The following CYP3A7 variants were observed in gnomAD, a reference collection of about 807,000 sequenced individuals.
CYP3A7 encodes the protein cytochrome P450 3A7.
A neutral mutation model predicts 55.2 loss-of-function variants in CYP3A7; 45 were observed. That is an observed-to-expected ratio of 0.82 (90% CI 0.64 to 1.05). The LOEUF (loss-of-function observed/expected upper bound fraction) is 1.05. CYP3A7 is among the 50% of genes least tolerant of loss of function. CYP3A7 has a pLI of 0.00. For missense variants in CYP3A7, 548 were observed against 605.3 expected, an observed-to-expected ratio of 0.91 and a Z score of 0.99; for synonymous variants, 180 against 207.4, an observed-to-expected ratio of 0.87 and a Z score of 1.13.
chr7:99,711,150 T>C (rs1813734711), intron 9 of CYP3A7, among the ~76,000 whole-genome samples: 1 of 152,184 alleles, frequency 6.6e-6, no homozygotes, highest in African/African-American at 2.4e-5. Context: ...CCCTGCCACC[T>C]TCACAGCTGG....
chr7:99,719,338 G>A (rs1321606771), intron 4 of CYP3A7, among the ~76,000 whole-genome samples: 1 of 152,186 alleles, frequency 6.6e-6, no homozygotes, highest in East Asian at 1.9e-4. Context: ...GCAAATGAAA[G>A]ATGCAAAGAA....
chr7:99,710,926 A>G (rs751495747), intron 9 of CYP3A7, 34 bp from the exon 10 acceptor site: 1 of 1,613,200 alleles, frequency 6.2e-7, no homozygotes, highest in South Asian at 1.1e-5. Context: ...TAGGTAAATC[A>G]GGTCAATGTA....
chr7:99,720,209 C>T, intron 4 of CYP3A7, 104 bp downstream of exon 4: 4 of 1,446,024 alleles, frequency 2.8e-6, no homozygotes, highest in Non-Finnish European at 3.8e-6. Context: ...TACATGGAAC[C>T]TTCCTGCACA....
intron 12 of CYP3A7, among the ~76,000 whole-genome samples, chr7:99,706,352 T>C (rs1813523098): frequency 6.6e-6 from 1 of 152,158 alleles, no homozygotes; most frequent in East Asian, 1.9e-4. Flanking sequence ...CCATCCTAGG[T>C]GTGCCAGAGG....
intron 4 of CYP3A7, among the ~76,000 whole-genome samples, chr7:99,719,131 T>C (rs1423883231): frequency 6.6e-6 from 1 of 152,238 alleles, no homozygotes; most frequent in Non-Finnish European, 1.5e-5. Flanking sequence ...CATGTTTATT[T>C]ATAGACACTG....
At chr7:99,725,159 G>A (rs1814360901) in intron 2 of CYP3A7, among the ~76,000 whole-genome samples, 1 of 152,118 alleles carries the variant, frequency 6.6e-6, no homozygotes, top group Non-Finnish European at 1.5e-5. Flanking sequence ...AACTACCCAA[G>A]GTAAAGATGA....
At chr7:99,710,642 T>C (rs2151504702) in intron 10 of CYP3A7, 90 bp downstream of exon 10, 1 of 1,600,938 alleles carries the variant, frequency 6.2e-7, no homozygotes, top group Non-Finnish European at 8.5e-7. Context: ...ATGATTATGC[T>C]TTTTATAAAA....
chr7:99,725,646 C>G (rs1814384165), intron 2 of CYP3A7, among the ~76,000 whole-genome samples: 1 of 152,238 alleles, frequency 6.6e-6, no homozygotes, highest in African/African-American at 2.4e-5. Context: ...GACTGTCTGA[C>G]TCACATCGCC....
intron 1 of CYP3A7, among the ~76,000 whole-genome samples, chr7:99,731,406 A>G (rs1410390392): frequency 6.6e-6 from 1 of 152,232 alleles, no homozygotes; most frequent in Non-Finnish European, 1.5e-5. Flanking sequence ...TCTGGGATGA[A>G]TATTTGATAA....
rs1437644820 is a variant in CYP3A7 at position 99,731,052 on chromosome 7, C to T, written c.165+7G>A. ...AGAAGCAAAAGAGGAAGCTCAAAAACACTCACCTTACGGAAGGACAAAGCA... is the reference window on the plus strand; with the variant it reads ...AGAAGCAAAAGAGGAAGCTCAAAAATACTCACCTTACGGAAGGACAAAGCA... On this transcript the variant is annotated splice_region_variant and intron_variant, in intron 2 of 12. Coordinates refer to ENST00000336374, the MANE Select transcript of CYP3A7 (RefSeq NM_000765.5). 2.5e-6 allele frequency: 4 copies of T among 1,613,738 alleles called. No homozygotes were observed. The highest frequency in any genetic ancestry group is 8.5e-7 in the Non-Finnish European group (1 of 1,179,716).
intron 3 of CYP3A7, chr7:99,720,631 A>G (rs1814163245): frequency 2.0e-6 from 1 of 492,270 alleles, no homozygotes; most frequent in Non-Finnish European, 3.7e-6. Flanking sequence ...TGGGCCAAAC[A>G]GGGAAGAGAG....
chr7:99,709,218 T>C lies in CYP3A7; in HGVS notation c.1070A>G (p.Asp357Gly). 1 of 1,613,922 alleles carries C rather than the reference T, an allele frequency of 6.2e-7. No homozygotes were observed. ...TCTGAGTGTTTCATTCACCACCATG[T>C]CAAGATACTCCAACTGTAGCACAGT... ...YDTVLQLEYL[D>G]MVVNETLRLF... The change falls in exon 11 of 13, where the codon GAC (aspartate) becomes GGC (glycine). Residue 357 changes from aspartate (D) to glycine (G), a missense_variant. Physicochemically the swap from Asp to Gly is moderately conservative, Grantham distance 94 (BLOSUM62 -1). Coordinates refer to ENST00000336374, the MANE Select transcript of CYP3A7 (RefSeq NM_000765.5).
chr7:99,715,952 C>T (rs1269628727), intron 6 of CYP3A7, 46 bp from the exon 7 acceptor site: 25 of 1,612,292 alleles, frequency 1.6e-5, no homozygotes, highest in Non-Finnish European at 2.1e-5. Flanking sequence ...ACCTCTTTAC[C>T]ATCCTTCCTC....
At chr7:99,708,681 G>T (rs1813619467) in intron 11 of CYP3A7, among the ~76,000 whole-genome samples, 1 of 152,056 alleles carries the variant, frequency 6.6e-6, no homozygotes, top group African/African-American at 2.4e-5. Flanking sequence ...ATTCAAATTT[G>T]ATTCCTGAAG....
At chr7:99,715,637 A>C in intron 7 of CYP3A7, 121 bp downstream of exon 7, 1 of 1,519,208 alleles carries the variant, frequency 6.6e-7, no homozygotes, top group South Asian at 1.1e-5. Flanking sequence ...CATATCTTCA[A>C]ATGTACTACA....
Position 99,709,016 on chromosome 7 carries a change from C to T in CYP3A7, c.1253+19G>A, listed in dbSNP as rs1813639454. On this transcript the variant is annotated intron_variant, in intron 11 of 12. Transcript: ENST00000336374. ...ACCAGGCTGGTTCAGGGAGGGCTCCCTTCCCAGGGGCCTCCTACCTTTCAG... is the reference window on the plus strand; with the variant it reads ...ACCAGGCTGGTTCAGGGAGGGCTCCTTTCCCAGGGGCCTCCTACCTTTCAG... 1.2e-6 allele frequency: 2 copies of T among 1,613,808 alleles called. No individual in the cohort carries two copies. The highest frequency in any genetic ancestry group is 1.7e-6 in the Non-Finnish European group (2 of 1,179,846).
Position 99,705,363 on chromosome 7 carries a change from A to T in CYP3A7, c.*137T>A. 2 of 1,000,428 alleles carry T rather than the reference A, an allele frequency of 2.0e-6. No homozygotes were observed. The highest frequency in any genetic ancestry group is 2.7e-5 in the South Asian group (2 of 73,970). 62.0% of individuals were successfully genotyped at this position (1,000,428 alleles called of 1,614,324 possible). On this transcript the variant is annotated 3_prime_UTR_variant, in exon 13 of 13. Transcript: ENST00000336374. ...CCATGAGAGAGCACAATGCACGTAC[A>T]GAATCCCTGATTATTTATGCAGCAC...
intron 12 of CYP3A7, 32 bp from the exon 13 acceptor site, chr7:99,705,627 A>C: frequency 6.2e-7 from 1 of 1,610,274 alleles, no homozygotes; most frequent in Non-Finnish European, 8.5e-7. Context: ...ATTGAGAAGC[A>C]TTAAATAAAG....
intron 4 of CYP3A7, among the ~76,000 whole-genome samples, 185 bp downstream of exon 4, chr7:99,720,128 T>C (rs1814136725): frequency 6.6e-6 from 1 of 152,186 alleles, no homozygotes; most frequent in Admixed American, 6.5e-5. Flanking sequence ...ACTGCAGTAA[T>C]GTGAATATAC....
Sources: gnomAD v4.1 joint callset for allele counts (sites outside exome capture counted in the v4.1 genomes callset) on GRCh38, gnomAD v4.1.1 for gene constraint, MANE v1.5 for transcripts, NCBI Gene and HGNC (gene_info 2026-07-23, HGNC 2026-07-21) for gene names.